Variants in DDX20 observed in about 807,000 individuals in gnomAD.
DDX20 encodes the protein probable ATP-dependent RNA helicase DDX20.
A neutral mutation model predicts 76.4 loss-of-function variants in DDX20; 61 were observed. That is an observed-to-expected ratio of 0.80 (90% CI 0.65 to 0.99). The LOEUF (loss-of-function observed/expected upper bound fraction) is 0.99, where lower values mean the gene tolerates loss of function less well. Ranked by LOEUF, DDX20 falls within the 50% of genes least tolerant of loss-of-function variation. The probability of loss-of-function intolerance (pLI) is 0.00; values close to 1 mark genes in which losing one functional copy is unlikely to be tolerated. For missense variants in DDX20, 976 were observed against 996.8 expected (o/e 0.98, Z 0.28); for synonymous variants, 357 against 357.4 (o/e 1.00, Z 0.01).
At chr1:111,760,393 A>G (rs1239456100) in intron 3 of DDX20, 81 bp from the exon 4 acceptor site, 16 of 965,072 alleles carry the variant, frequency 1.7e-5, no homozygotes, top group Non-Finnish European at 2.2e-5. Flanking sequence ...ACCTGTAAGT[A>G]ATAAGTAGAG....
At chr1:111,762,495 G>A (rs1344031116) in intron 8 of DDX20, 158 bp downstream of exon 8, 1 of 830,908 alleles carries the variant, frequency 1.2e-6, no homozygotes, top group East Asian at 2.6e-5. Context: ...TCTTAAAAAT[G>A]TCTTTAATAT....
Position 111,756,141 on chromosome 1 carries a change from G to A in DDX20, c.217G>A (p.Val73Met). 6.3e-7 allele frequency: 1 copy of A among 1,575,788 alleles called. No homozygotes were observed. ...CGAGTCACTGCTGCTTTCGCGGCCG[G>A]TGCTGGAGGGGCTGCGGGCGGCCGG... Reference protein sequence around the residue: ...DFESLLLSRPVLEGLRAAGFE... With the variant: ...DFESLLLSRPMLEGLRAAGFE... Residue 73 changes from valine to methionine, a missense_variant, in exon 1 of 11, where the codon GTG becomes ATG. Val to Met is a conservative substitution (Grantham distance 21). Coordinates refer to ENST00000369702, the MANE Select transcript of DDX20 (RefSeq NM_007204.5).
chr1:111,759,381 A>C lies in DDX20; in HGVS notation c.397-19A>C, dbSNP rs773534147. On this transcript the variant is annotated intron_variant, in intron 2 of 10. Transcript: ENST00000369702. ...TTTATTCCTCTGACTCAAAGGTGTA[A>C]TTTATGGTTTTTTTTTAGATTTTGA... The C allele has an allele frequency of 1.9e-5, 31 of 1,590,386 alleles. 1 individual carries two copies. Among genetic ancestry groups the C allele is most frequent in the Non-Finnish European group, 2.3e-5 (27 of 1,168,054 alleles).
In DDX20 at chr1:111,766,640, C is replaced by T. The variant is rs1165127519; in HGVS notation, c.2216C>T (p.Pro739Leu). The change falls in exon 11 of 11, where the codon CCC becomes CTC. Residue 739 changes from proline to leucine, a missense_variant. Physicochemically the swap from Pro to Leu is moderately conservative, Grantham distance 98 (BLOSUM62 -3). This residue lies in a region of DDX20 where 630 missense variants were observed against 693.7 expected (regional missense o/e 0.91). Transcript: ENST00000369702. ...QRAKQSRRNL[P>L]RRSSFRLQTE... ...GCTAAGCAGAGCCGGAGAAACCTAC[C>T]CAGGCGGTCTTCCTTCAGATTGCAG... 9 of 1,614,096 alleles carry T rather than the reference C, an allele frequency of 5.6e-6. No homozygotes were observed. The South Asian group carries it at 9.9e-5, about 18-fold the overall frequency.
At position 111,760,845 on chromosome 1, in the gene DDX20, A is replaced by G; in HGVS notation, c.820A>G (p.Ile274Val). The G allele has an allele frequency of 6.2e-7, 1 of 1,610,786 alleles. No homozygotes were observed. The highest frequency in any genetic ancestry group is 8.5e-7 in the Non-Finnish European group (1 of 1,178,610). Residue 274 changes from isoleucine to valine, a missense_variant, in exon 5 of 11, where the codon ATA (isoleucine) becomes GTA (valine). Transcript: ENST00000369702. Reference sequence around the variant, plus strand: ...ACTGAATTCCAGTGATCCAAGTCTCATAGGTGTGTACAGCTTTTAGGTACT... The same window carrying G: ...ACTGAATTCCAGTGATCCAAGTCTCGTAGGTGTGTACAGCTTTTAGGTACT... Reference protein sequence around the residue: ...VRLNSSDPSLIGLKQYYKVVN... With the variant: ...VRLNSSDPSLVGLKQYYKVVN...
rs1663787736 is a variant in DDX20 at position 111,766,661 on chromosome 1, T to C, written c.2237T>C (p.Leu746Ser). The C allele has an allele frequency of 1.2e-6, 2 of 1,614,126 alleles. No individual in the cohort carries two copies. The highest frequency in any genetic ancestry group is 1.7e-6 in the Non-Finnish European group (2 of 1,180,002). Reference sequence around the variant, plus strand: ...CTACCCAGGCGGTCTTCCTTCAGATTGCAGACTGAAGCCCAGGAAGATGAT... The same window carrying C: ...CTACCCAGGCGGTCTTCCTTCAGATCGCAGACTGAAGCCCAGGAAGATGAT... ...RNLPRRSSFRLQTEAQEDDWY... is the reference protein window; with the variant it reads ...RNLPRRSSFRSQTEAQEDDWY... Residue 746 changes from leucine to serine, a missense_variant, in exon 11 of 11, where the codon TTG (leucine) becomes TCG (serine). Physicochemically the swap from Leu to Ser is moderately radical, Grantham distance 145. Around this residue, in one of 3 missense-constraint regions of DDX20, gnomAD observed 630 missense variants for 693.7 expected, o/e 0.91. Transcript: ENST00000369702.
chr1:111,763,433 G>A (rs1313867301), intron 10 of DDX20, among the ~76,000 whole-genome samples: 2 of 152,108 alleles, frequency 1.3e-5, no homozygotes, highest in East Asian at 1.9e-4. Context: ...TTAGCTGGGC[G>A]TGGTGGCAGG....
In DDX20 at chr1:111,766,225, T is replaced by C; in HGVS notation, c.1801T>C (p.Tyr601His). 1 of 1,614,146 alleles carries C rather than the reference T, an allele frequency of 6.2e-7. No homozygotes were observed. Among genetic ancestry groups the C allele is most frequent in the Non-Finnish European group, 8.5e-7 (1 of 1,180,016 alleles). ...FAELVEDYEH[Y>H]IKEGLEKPVE... is the part of the protein sequence containing the mutation. ...TGAATTGGTAGAGGATTATGAACAT[T>C]ATATTAAAGAGGGGTTAGAGAAACC... Residue 601 changes from tyrosine to histidine, a missense_variant, in exon 11 of 11, where the codon TAT becomes CAT. By Grantham distance (83) the Tyr-to-His change is moderately conservative. Transcript: ENST00000369702.
rs747625817 is a variant in DDX20 at position 111,756,682 on chromosome 1, C to T, written c.338C>T (p.Thr113Ile). Reference protein sequence around the residue: ...IVQAKSGTGKTCVFSTIALDS... With the variant: ...IVQAKSGTGKICVFSTIALDS... ...CAAGCTAAATCTGGCACCGGGAAAA[C>T]CTGTGTGTTCTCCACCATAGCTTTG... The change falls in exon 2 of 11, where the codon ACC becomes ATC. Residue 113 changes from threonine to isoleucine, a missense_variant. Physicochemically the swap from Thr to Ile is moderately conservative, Grantham distance 89. Coordinates refer to ENST00000369702, the MANE Select transcript of DDX20 (RefSeq NM_007204.5). 1 of 1,614,154 alleles carries T rather than the reference C, an allele frequency of 6.2e-7. No homozygotes were observed. The highest frequency in any genetic ancestry group is 2.2e-5 in the East Asian group (1 of 44,878).
Position 111,766,579 on chromosome 1 carries a change from A to G in DDX20, c.2155A>G (p.Met719Val). The change falls in exon 11 of 11, where the codon ATG (methionine) becomes GTG (valine). Residue 719 changes from methionine (M) to valine (V), a missense_variant. Coordinates refer to ENST00000369702, the MANE Select transcript of DDX20 (RefSeq NM_007204.5). ...EKYQESPGIQ[M>V]KTRLKEGASQ... ...ATATCAAGAATCACCTGGAATCCAG[A>G]TGAAGACAAGACTTAAAGAGGGGGC... 1 of 1,614,208 alleles carries G rather than the reference A, an allele frequency of 6.2e-7. No individual in the cohort carries two copies. The highest frequency in any genetic ancestry group is 8.5e-7 in the Non-Finnish European group (1 of 1,180,006).
In DDX20 at chr1:111,762,974, C is replaced by T; in HGVS notation, c.1279C>T (p.Gln427Ter). The T allele has an allele frequency of 6.2e-7, 1 of 1,613,884 alleles. No individual in the cohort carries two copies. Among genetic ancestry groups the T allele is most frequent in the Non-Finnish European group, 8.5e-7 (1 of 1,179,864 alleles). The change falls in exon 10 of 11, where the codon CAG (glutamine) becomes TAG (stop). Residue 427 changes from glutamine (Q) to a stop codon, truncating the protein, a stop_gained. Coordinates refer to ENST00000369702, the MANE Select transcript of DDX20 (RefSeq NM_007204.5). LOFTEE classifies it high-confidence loss of function. ...AGAAAATATGATGATGAGAATTGCCCAGAAATGTAATATCAACCTTCTCCC... is the reference window on the plus strand; with the variant it reads ...AGAAAATATGATGATGAGAATTGCCTAGAAATGTAATATCAACCTTCTCCC... ...EEENMMMRIA[Q>*]KCNINLLPLP...
chr1:111,762,592 A>C, intron 8 of DDX20, 85 bp from the exon 9 acceptor site: 1 of 1,196,100 alleles, frequency 8.4e-7, no homozygotes, highest in Non-Finnish European at 1.2e-6. Flanking sequence ...TTGTCTCTTG[A>C]CTGTACTGGA....
intron 10 of DDX20, among the ~76,000 whole-genome samples, chr1:111,763,257 A>C (rs924372221): frequency 6.6e-6 from 1 of 152,230 alleles, no homozygotes; most frequent in Non-Finnish European, 1.5e-5. Context: ...AGAGGAGTGC[A>C]AGCTAACCAC....
Position 111,761,045 on chromosome 1 carries a change from G to A in DDX20, c.882G>A (p.Glu294=), listed in dbSNP as rs181545150. Residue 294 remains glutamate, a synonymous_variant, in exon 6 of 11, where the codon GAG becomes GAA. Coordinates refer to ENST00000369702, the MANE Select transcript of DDX20 (RefSeq NM_007204.5). Reference sequence around the variant, plus strand: ...ACCCTTTGGCACATAAGGTTTTTGAGGAAAAGACTCAGCATTTACAGGAAC... The same window carrying A: ...ACCCTTTGGCACATAAGGTTTTTGAAGAAAAGACTCAGCATTTACAGGAAC... The part of the protein sequence containing the change: ...NSYPLAHKVF[E]EKTQHLQELF... 1.8e-4 allele frequency: 297 copies of A among 1,613,906 alleles called. No homozygotes were observed. The highest frequency in any genetic ancestry group is 2.9e-5 in the Non-Finnish European group (34 of 1,179,888).
Position 111,765,745 on chromosome 1 carries a change from C to A in DDX20, c.1321C>A (p.Pro441Thr). The A allele has an allele frequency of 6.3e-7, 1 of 1,583,472 alleles. No individual in the cohort carries two copies. Among genetic ancestry groups the A allele is most frequent in the African/African-American group, 1.4e-5 (1 of 73,138 alleles). ...TCTTCCTTTTTATGTAGATCCCATT[C>A]CTTCTGGTCTGATGGAAGAATGTGT... is the stretch of plus-strand genomic sequence containing the variant. ...INLLPLPDPI[P>T]SGLMEECVDW... Residue 441 changes from proline to threonine, a missense_variant, in exon 11 of 11, where the codon CCT becomes ACT. Transcript: ENST00000369702.
In DDX20 at chr1:111,756,677, G is replaced by C; in HGVS notation, c.333G>C (p.Gly111=). ...TTGTTCAAGCTAAATCTGGCACCGG[G>C]AAAACCTGTGTGTTCTCCACCATAG... ...DLIVQAKSGT[G]KTCVFSTIAL... is the part of the protein sequence containing the mutation. The change falls in exon 2 of 11, where the codon GGG becomes GGC. Residue 111 remains glycine, a synonymous_variant. Transcript: ENST00000369702. 1.2e-6 allele frequency: 2 copies of C among 1,614,132 alleles called. No individual in the cohort carries two copies. The highest frequency in any genetic ancestry group is 1.7e-5 in the Admixed American group (1 of 60,024).
intron 10 of DDX20, 57 bp from the exon 11 acceptor site, chr1:111,765,680 A>T: frequency 7.2e-7 from 1 of 1,393,516 alleles, no homozygotes; most frequent in Non-Finnish European, 9.7e-7. Context: ...TCATTCAGAA[A>T]ACAGTGGTCT....
chr1:111,759,487 T>G lies in DDX20; in HGVS notation c.484T>G (p.Cys162Gly). The change falls in exon 3 of 11, where the codon TGT (cysteine) becomes GGT (glycine). Residue 162 changes from cysteine to glycine, a missense_variant. Cys to Gly is a radical substitution (Grantham distance 159, BLOSUM62 -3). Around this residue, in one of 3 missense-constraint regions of DDX20, gnomAD observed 343 missense variants for 286.4 expected, o/e 1.20. Transcript: ENST00000369702. The part of the protein sequence containing the change: ...AIGIKMEGLE[C>G]HVFIGGTPLS... ...TGGAATAAAAATGGAAGGCTTAGAG[T>G]GTCATGTCTTTATTGGAGGGACCCC... 6.2e-7 allele frequency: 1 copy of G among 1,613,768 alleles called. No individual in the cohort carries two copies. The highest frequency in any genetic ancestry group is 8.5e-7 in the Non-Finnish European group (1 of 1,179,842).
At position 111,767,627 on chromosome 1, in the gene DDX20, T is replaced by A. The variant is rs368172280; in HGVS notation, c.*728T>A. The A allele has an allele frequency of 6.6e-6, 1 of 152,180 alleles. No individual in the cohort carries two copies. The highest frequency in any genetic ancestry group is 2.4e-5 in the African/African-American group (1 of 41,450). 9.4% of individuals were successfully genotyped at this position (152,180 alleles called of 1,614,324 possible). A position where few individuals can be genotyped will look rare whatever the true frequency, so the allele number is the denominator to read the frequency against. ...AGATAGAGGAGCAGCTCTTAATCTT[T>A]TTTGGTTCTTGGATCCTTTTATGAA... On this transcript the variant is annotated 3_prime_UTR_variant, in exon 11 of 11. Coordinates refer to ENST00000369702, the MANE Select transcript of DDX20 (RefSeq NM_007204.5).
Sources: allele counts gnomAD v4.1 joint callset (sites outside exome capture counted in the v4.1 genomes callset), GRCh38; gene constraint gnomAD v4.1.1; regional missense constraint gnomAD v4.1.1; transcripts MANE v1.5; gene names NCBI Gene and HGNC (gene_info 2026-07-23, HGNC 2026-07-21).